Variants in FGFRL1 observed in about 807,000 individuals in gnomAD.
The protein encoded by FGFRL1 is fibroblast growth factor receptor like 1, also known as fibroblast growth factor receptor-like 1.
FGFRL1 carries 24 observed loss-of-function variants against 36.8 expected under a neutral mutation model. That is an observed-to-expected ratio of 0.65 (90% CI 0.47 to 0.92). FGFRL1 has a LOEUF of 0.92. Among genes scored for constraint, FGFRL1 ranks in the 40% least tolerant of loss-of-function variants. The probability of loss-of-function intolerance (pLI) is 0.00; values close to 1 mark genes in which losing one functional copy is unlikely to be tolerated. For synonymous variants in FGFRL1, 422 were observed against 344.1 expected, an observed-to-expected ratio of 1.23 and a Z score of -2.50; for missense variants, 785 against 753.4, an observed-to-expected ratio of 1.04 and a Z score of -0.49.
chr4:1,023,772 G>T lies in FGFRL1; in HGVS notation c.434-45G>T. ...GGGCGTCCGTCTGTCCCGGCCCCTT[G>T]GCTGCATCCCCGTCCTCTGACCTCC... On this transcript the variant is annotated intron_variant, in intron 4 of 6. Coordinates refer to ENST00000510644, the MANE Select transcript of FGFRL1 (RefSeq NM_001004356.3). The surrounding 1 kb of genome is among the most constrained non-coding windows in gnomAD (Gnocchi z 6.0). The T allele has an allele frequency of 6.4e-7, 1 of 1,555,484 alleles. No individual in the cohort carries two copies. Among genetic ancestry groups the T allele is most frequent in the Non-Finnish European group, 8.7e-7 (1 of 1,150,296 alleles).
At chr4:1,016,911 C>T (rs1715914161) in intron 2 of FGFRL1, among the ~76,000 whole-genome samples, 1 of 152,116 alleles carries the variant, frequency 6.6e-6, no homozygotes, top group Non-Finnish European at 1.5e-5. Context: ...TGGGGTTTCC[C>T]ACTCACTCCT....
rs1716425752 is a variant in FGFRL1 at position 1,024,986 on chromosome 4, C to T, written c.1154C>T (p.Ala385Val). ...LPWPVVIGIP[A>V]GAVFILGTLL... ...TGGCCCGTGGTCATCGGCATCCCAG[C>T]CGGCGCTGTCTTCATCCTGGGCACC... Residue 385 changes from alanine (A) to valine (V), a missense_variant, in exon 7 of 7, where the codon GCC (alanine) becomes GTC (valine). Transcript: ENST00000510644. 6.2e-7 allele frequency: 1 copy of T among 1,610,246 alleles called. No homozygotes were observed. Among genetic ancestry groups the T allele is most frequent in the Non-Finnish European group, 8.5e-7 (1 of 1,179,644 alleles).
upstream of FGFRL1, chr4:1,011,356 C>A (rs1190569411): frequency 7.4e-6 from 1 of 135,376 alleles, no homozygotes; most frequent in African/African-American, 2.8e-5. Context: ...ACCAAGGGCG[C>A]GCGGGCGGGG....
chr4:1,015,162 G>A (rs1028496000), intron 2 of FGFRL1, among the ~76,000 whole-genome samples: 2 of 152,230 alleles, frequency 1.3e-5, no homozygotes, highest in Admixed American at 6.5e-5. Context: ...CTGGCCCTCT[G>A]TGCGGCCCGG....
At chr4:1,022,694 C>T (rs1716263201) in intron 3 of FGFRL1, among the ~76,000 whole-genome samples, 2 of 152,190 alleles carry the variant, frequency 1.3e-5, no homozygotes, top group South Asian at 4.1e-4. Context: ...AGCCTCGGAG[C>T]CTTCCTCCCA....
rs758196459 is a variant in FGFRL1, at chr4:1,024,375, G to C, written c.783G>C (p.Gly261=). The C allele has an allele frequency of 8.1e-6, 13 of 1,612,450 alleles. No homozygotes were observed. Among genetic ancestry groups the C allele is most frequent in the Non-Finnish European group, 3.4e-6 (4 of 1,179,754 alleles). ...CCGTGAACACGACGGTGGACTTCGG[G>C]GGGACCACGTCCTTCCAGTGCAAGG... ...THPVNTTVDF[G]GTTSFQCKVR... Residue 261 remains glycine (G), a synonymous_variant, in exon 6 of 7, where the codon GGG becomes GGC. Coordinates refer to ENST00000510644, the MANE Select transcript of FGFRL1 (RefSeq NM_001004356.3).
In FGFRL1 at chr4:1,022,260, C is replaced by T. The variant is rs1433179711; in HGVS notation, c.137C>T (p.Thr46Ile). 6 of 1,585,732 alleles carry T rather than the reference C, an allele frequency of 3.8e-6. No homozygotes were observed. Among genetic ancestry groups the T allele is most frequent in the African/African-American group, 1.3e-5 (1 of 74,224 alleles). ...VPRQVARLGR[T>I]VRLQCPVEGD... The stretch of plus-strand genomic sequence containing the variant: ...CGGCAGGTGGCCCGGCTGGGCCGCA[C>T]TGTGCGGCTGCAGTGCCCAGTGGAG... The change falls in exon 3 of 7, where the codon ACT becomes ATT. Residue 46 changes from threonine (T) to isoleucine (I), a missense_variant. Physicochemically the swap from Thr to Ile is moderately conservative, Grantham distance 89. Coordinates refer to ENST00000510644, the MANE Select transcript of FGFRL1 (RefSeq NM_001004356.3).
chr4:1,023,619 G>A lies in FGFRL1; in HGVS notation c.353-22G>A, dbSNP rs750684594. The stretch of plus-strand genomic sequence containing the variant: ...AGGGCCCCCCTCACCTGCCCTCCCT[G>A]TGCACCTCCGTCTCTCTGCAGATGA... On this transcript the variant is annotated intron_variant, in intron 3 of 6. Transcript: ENST00000510644. The surrounding 1 kb of genome is among the most constrained non-coding windows in gnomAD (Gnocchi z 6.0). 1.3e-5 allele frequency: 20 copies of A among 1,582,998 alleles called. No individual in the cohort carries two copies. Among genetic ancestry groups the A allele is most frequent in the Admixed American group, 7.2e-5 (4 of 55,624 alleles).
At position 1,012,456 on chromosome 4, in the gene FGFRL1, C is replaced by G; in HGVS notation, c.-16-14C>G. 1 of 1,575,706 alleles carries G rather than the reference C, an allele frequency of 6.3e-7. No individual in the cohort carries two copies. Among genetic ancestry groups the G allele is most frequent in the Non-Finnish European group, 8.6e-7 (1 of 1,165,184 alleles). On this transcript the variant is annotated splice_polypyrimidine_tract_variant and intron_variant, in intron 1 of 6. Coordinates refer to ENST00000510644, the MANE Select transcript of FGFRL1 (RefSeq NM_001004356.3). ...AGTTCCACGTGTTAGTGACGGCGCCCCCAATGTCCCCAGGTCCGGACAGGC... is the reference window on the plus strand; with the variant it reads ...AGTTCCACGTGTTAGTGACGGCGCCGCCAATGTCCCCAGGTCCGGACAGGC...
intron 2 of FGFRL1, among the ~76,000 whole-genome samples, chr4:1,020,383 C>T (rs903736580): frequency 1.1e-4 from 16 of 151,962 alleles, no homozygotes; most frequent in African/African-American, 3.6e-4. Context: ...CTGTGGTCGC[C>T]GCTGCAGGAC....
chr4:1,024,732 ACCCACCGGGTGGGGC>A, intron 6 of FGFRL1, 68 bp downstream of exon 6: 1 of 1,491,042 alleles, frequency 6.7e-7, no homozygotes. Context: ...CCGGCGTCCC[ACCCACCGGGTGGGGC>A]CCCACCCTTC....
At position 1,022,578 on chromosome 4, in the gene FGFRL1, C is replaced by A. The variant is rs377373675; in HGVS notation, c.352+103C>A. 8.7e-5 allele frequency: 123 copies of A among 1,406,930 alleles called. No homozygotes were observed. In the South Asian group the frequency reaches 1.2e-3, roughly 14 times the overall value. 87.2% of individuals were successfully genotyped at this position (1,406,930 alleles called of 1,614,324 possible). Reference sequence around the variant, plus strand: ...CACCTGGGGCCCGAGAGTCAGCCAGCCCCCGGCAGAAAGCCTTCCTTCGGT... The same window carrying A: ...CACCTGGGGCCCGAGAGTCAGCCAGACCCCGGCAGAAAGCCTTCCTTCGGT... On this transcript the variant is annotated intron_variant, in intron 3 of 6. Transcript: ENST00000510644.
rs113814624 is a variant in FGFRL1, at chr4:1,023,872, C to A, written c.489C>A (p.Pro163=). 32 of 1,580,728 alleles carry A rather than the reference C, an allele frequency of 2.0e-5. No individual in the cohort carries two copies. The highest frequency in any genetic ancestry group is 1.8e-4 in the African/African-American group (13 of 74,122). Residue 163 remains proline (P), a synonymous_variant, in exon 5 of 7, where the codon CCC becomes CCA. Coordinates refer to ENST00000510644, the MANE Select transcript of FGFRL1 (RefSeq NM_001004356.3). The surrounding 1 kb of genome is among the most constrained non-coding windows in gnomAD (Gnocchi z 6.0). ...SKMRRRVIAR[P]VGSSVRLKCV... is the part of the protein sequence containing the mutation. ...TGAGGCGCCGGGTGATCGCACGGCC[C>A]GTGGGTAGCTCCGTGCGGCTCAAGT...
At chr4:1,012,674 C>T (rs532077666) in intron 2 of FGFRL1, 110 bp downstream of exon 2, 10 of 443,078 alleles carry the variant, frequency 2.3e-5, no homozygotes, top group South Asian at 5.9e-5. Context: ...CATGCCCCGC[C>T]CCTGCCGCCC....
Position 1,025,544 on chromosome 4 carries a change from A to C in FGFRL1, c.*197A>C, listed in dbSNP as rs1317192141. ...ACACTGCCTGGATGCATGTATGCAC[A>C]CACATGCGCGCACACGTGCTCCCTG... On this transcript the variant is annotated 3_prime_UTR_variant, in exon 7 of 7. Transcript: ENST00000510644. 4 of 682,674 alleles carry C rather than the reference A, an allele frequency of 5.9e-6. No homozygotes were observed. Among genetic ancestry groups the C allele is most frequent in the Non-Finnish European group, 4.9e-6 (2 of 411,894 alleles). The allele number at this position is 682,674 out of a possible 1,614,324, so 42.3% of individuals were successfully genotyped here. A position where few individuals can be genotyped will look rare whatever the true frequency, so the allele number is the denominator to read the frequency against.
At chr4:1,013,064 T>C (rs947401099) in intron 2 of FGFRL1, among the ~76,000 whole-genome samples, 1 of 152,212 alleles carries the variant, frequency 6.6e-6, no homozygotes, top group African/African-American at 2.4e-5. Context: ...GACCTAGCCG[T>C]GTGCCCTGGG....
intron 2 of FGFRL1, among the ~76,000 whole-genome samples, chr4:1,014,301 A>G (rs981547734): frequency 6.6e-6 from 1 of 152,112 alleles, no homozygotes; most frequent in Non-Finnish European, 1.5e-5. Context: ...GAAAAAATAT[A>G]GGAATTGGCT....
At chr4:1,010,646 T>G (rs969477282), upstream of FGFRL1, among the ~76,000 whole-genome samples, 2 of 151,986 alleles carry the variant, frequency 1.3e-5, no homozygotes, top group East Asian at 3.9e-4. Context: ...TGAGGCGGGA[T>G]GTGGGCAGGC....
intron 1 of FGFRL1, 114 bp from the exon 2 acceptor site, chr4:1,012,356 G>A: frequency 3.3e-6 from 4 of 1,217,320 alleles, no homozygotes; most frequent in South Asian, 1.4e-5. Flanking sequence ...TGGAGCGCGG[G>A]CGGGGAGGGC....
Sources: allele counts gnomAD v4.1 joint callset (sites outside exome capture counted in the v4.1 genomes callset), GRCh38; gene constraint gnomAD v4.1.1; non-coding constraint Gnocchi (gnomAD v3.1); transcripts MANE v1.5; gene names NCBI Gene and HGNC (gene_info 2026-07-23, HGNC 2026-07-21).